C8orf34: variants seen among roughly 807,000 people sequenced by gnomAD.
C8orf34 encodes the protein chromosome 8 open reading frame 34.
Under a neutral mutation model 68.3 loss-of-function variants are expected in C8orf34, and 65 were observed. The ratio of observed to expected loss-of-function variants is 0.95; its 90% CI spans 0.78 to 1.17. The LOEUF (loss-of-function observed/expected upper bound fraction) is 1.17, where lower values mean the gene tolerates loss of function less well. Ranked by LOEUF, C8orf34 falls within the 50% of genes most tolerant of loss-of-function variation. C8orf34 has a pLI of 0.00. For synonymous variants in C8orf34, 244 were observed against 241.2 expected (o/e 1.01, Z -0.11); for missense variants, 664 against 655.4 (o/e 1.01, Z -0.14).
At chr8:68,745,094 A>C (rs1822441834) in intron 10 of C8orf34, among the ~76,000 whole-genome samples, 1 of 152,186 alleles carries the variant, frequency 6.6e-6, no homozygotes, top group African/African-American at 2.4e-5. Flanking sequence ...ATTCTTAAAG[A>C]AAAGAATTTT....
intron 7 of C8orf34, among the ~76,000 whole-genome samples, chr8:68,551,291 T>G (rs1049501732): frequency 2.0e-5 from 3 of 152,000 alleles, no homozygotes; most frequent in African/African-American, 7.2e-5. Context: ...ATGTCCAGTC[T>G]ACTAATGAGC....
chr8:68,573,640 A>G (rs13279178), intron 7 of C8orf34, among the ~76,000 whole-genome samples: 1,635 of 152,302 alleles, frequency 0.011, 41 homozygotes, highest in African/African-American at 0.036. Context: ...AATATAATGC[A>G]TCTACTTCTA....
intron 3 of C8orf34, among the ~76,000 whole-genome samples, chr8:68,448,936 AT>A (rs1361861624): frequency 6.6e-6 from 1 of 152,110 alleles, no homozygotes; most frequent in Non-Finnish European, 1.5e-5. Context: ...ATAAAAGGTT[AT>A]TTAATTAAGA....
At chr8:68,346,001 G>A (rs1032811178) in intron 1 of C8orf34, among the ~76,000 whole-genome samples, 2 of 151,976 alleles carry the variant, frequency 1.3e-5, no homozygotes, top group African/African-American at 4.8e-5. Context: ...AACACATCTT[G>A]CTCCACCCTG....
intron 7 of C8orf34, among the ~76,000 whole-genome samples, chr8:68,537,760 G>T (rs1023262884): frequency 6.6e-6 from 1 of 151,792 alleles, no homozygotes; most frequent in African/African-American, 2.4e-5. Flanking sequence ...TTTGTGTTTA[G>T]AATTGTTTTG....
chr8:68,508,171 C>A (rs1191571886), intron 5 of C8orf34, among the ~76,000 whole-genome samples: 1 of 152,118 alleles, frequency 6.6e-6, no homozygotes, highest in African/African-American at 2.4e-5. Flanking sequence ...TTTCTAAGCT[C>A]ATCTATTTAT....
At chr8:68,457,218 G>C (rs1213074734) in intron 3 of C8orf34, among the ~76,000 whole-genome samples, 1 of 152,022 alleles carries the variant, frequency 6.6e-6, no homozygotes, top group Non-Finnish European at 1.5e-5. Context: ...GACTGTCATT[G>C]AGAGTATATA....
At chr8:68,541,243 G>T (rs886304186) in intron 7 of C8orf34, among the ~76,000 whole-genome samples, 1 of 152,052 alleles carries the variant, frequency 6.6e-6, no homozygotes, top group Non-Finnish European at 1.5e-5. Flanking sequence ...TGGGATGATT[G>T]CTTGAGTTCA....
At chr8:68,352,757 A>C (rs1806566596) in intron 1 of C8orf34, among the ~76,000 whole-genome samples, 1 of 152,144 alleles carries the variant, frequency 6.6e-6, no homozygotes, top group Non-Finnish European at 1.5e-5. Context: ...CATTGTAGGA[A>C]TGTATTTTAG....
chr8:68,644,094 CTA>C (rs1469482225), intron 8 of C8orf34, among the ~76,000 whole-genome samples: 3 of 152,110 alleles, frequency 2.0e-5, no homozygotes, highest in Non-Finnish European at 2.9e-5. Flanking sequence ...GTAAGTGAAT[CTA>C]TGAAATAAAC....
intron 12 of C8orf34, among the ~76,000 whole-genome samples, chr8:68,811,969 G>A (rs1405997938): frequency 6.6e-6 from 1 of 152,180 alleles, no homozygotes; most frequent in African/African-American, 2.4e-5. Context: ...AATCCTTTCA[G>A]GGTGGGAGGG....
intron 7 of C8orf34, among the ~76,000 whole-genome samples, chr8:68,584,299 G>T (rs1308238727): frequency 2.7e-5 from 4 of 150,734 alleles, no homozygotes; most frequent in African/African-American, 9.7e-5. Flanking sequence ...CGTTCTCTGA[G>T]AAAAAAAAAG....
At chr8:68,793,143 T>G (rs1824061689) in intron 12 of C8orf34, among the ~76,000 whole-genome samples, 1 of 152,190 alleles carries the variant, frequency 6.6e-6, no homozygotes, top group Non-Finnish European at 1.5e-5. Context: ...TCTATTTATT[T>G]TGATATTCAC....
intron 10 of C8orf34, among the ~76,000 whole-genome samples, chr8:68,770,020 C>A (rs777334881): frequency 6.6e-6 from 1 of 152,024 alleles, no homozygotes; most frequent in African/African-American, 2.4e-5. Context: ...AGATGGGGGA[C>A]AAGAGAGAAA....
rs989731337 is a variant in C8orf34, at chr8:68,684,068, C to T, written c.1242-24926C>T. Among the ~76,000 whole-genome samples, 4 of 152,142 alleles carry T rather than the reference C, an allele frequency of 2.6e-5. No individual in the cohort carries two copies. In the East Asian group the frequency reaches 7.7e-4, roughly 29 times the overall value. On this transcript the variant is annotated intron_variant, in intron 8 of 13. Coordinates refer to ENST00000518698, the MANE Select transcript of C8orf34 (RefSeq NM_052958.4). ...AGGTTAAGTTTGCTTATTTCTCCTT[C>T]TGTTTCTTTTACTTCCTCTATCTTG...
At chr8:68,554,072 G>A (rs934427688) in intron 7 of C8orf34, among the ~76,000 whole-genome samples, 2 of 151,750 alleles carry the variant, frequency 1.3e-5, no homozygotes, top group African/African-American at 4.8e-5. Context: ...TTAGCAAATT[G>A]AAAAAAATCC....
At position 68,586,885 on chromosome 8, in the gene C8orf34, TA is replaced by T. The variant is rs565644846; in HGVS notation, c.1106-53488del. 4.1e-3 allele frequency among the ~76,000 whole-genome samples: 630 copies of T among 152,242 alleles called. 8 individuals are homozygous for T. The highest frequency in any genetic ancestry group is 0.014 in the African/African-American group (590 of 41,584). On this transcript the variant is annotated intron_variant, in intron 7 of 13. Coordinates refer to ENST00000518698, the MANE Select transcript of C8orf34 (RefSeq NM_052958.4). Reference sequence around the variant, plus strand: ...TAAGTTCTTTGTCTGTTTTTACAAATAAAGTTTTATTCAACTAAGCCACAGA... The same window carrying T: ...TAAGTTCTTTGTCTGTTTTTACAAATAAGTTTTATTCAACTAAGCCACAGA...
At chr8:68,748,712 G>A (rs1172078242) in intron 10 of C8orf34, among the ~76,000 whole-genome samples, 2 of 151,914 alleles carry the variant, frequency 1.3e-5, no homozygotes, top group African/African-American at 2.4e-5. Context: ...AGTTAGAATG[G>A]CAATCATTAA....
chr8:68,744,015 C>T (rs1359478369), intron 10 of C8orf34, among the ~76,000 whole-genome samples: 1 of 152,140 alleles, frequency 6.6e-6, no homozygotes, highest in Non-Finnish European at 1.5e-5. Flanking sequence ...CAGTGGTTCT[C>T]CCAGCATGCA....
Sources: gnomAD v4.1 joint callset for allele counts (sites outside exome capture counted in the v4.1 genomes callset) on GRCh38, gnomAD v4.1.1 for gene constraint, MANE v1.5 for transcripts, NCBI Gene and HGNC (gene_info 2026-07-23, HGNC 2026-07-21) for gene names.